CDC42BPB: variants seen among roughly 807,000 people sequenced by gnomAD.
CDC42BPB encodes CDC42 binding protein kinase beta.
A neutral mutation model predicts 214.9 loss-of-function variants in CDC42BPB; 37 were observed. The observed-to-expected ratio is 0.17, with a 90% CI of 0.13 to 0.23. CDC42BPB has a LOEUF of 0.23. Ranked by LOEUF, CDC42BPB falls within the 10% of genes least tolerant of loss-of-function variation. The probability of loss-of-function intolerance (pLI) is 1.00; values close to 1 mark genes in which losing one functional copy is unlikely to be tolerated. For synonymous variants in CDC42BPB, 931 were observed against 884.0 expected (o/e 1.05, Z -0.94); for missense variants, 1,694 against 2,227.0 (o/e 0.76, Z 4.82).
In CDC42BPB at chr14:102,938,348, G is replaced by A; in HGVS notation, c.4891C>T (p.Pro1631Ser). The change falls in exon 35 of 37, where the codon CCT becomes TCT. Residue 1631 changes from proline (P) to serine (S), a missense_variant. Transcript: ENST00000361246. Reference protein sequence around the residue: ...GPAPTNLARQPPSRNKPYISW... With the variant: ...GPAPTNLARQSPSRNKPYISW... ...ATGTAGGGCTTGTTCCTGGATGGAG[G>A]CTGGCGAGCCAGGTTGGTGGGAGCG... 1.3e-6 allele frequency: 2 copies of A among 1,599,346 alleles called. No homozygotes were observed. Among genetic ancestry groups the A allele is most frequent in the Non-Finnish European group, 1.7e-6 (2 of 1,173,808 alleles).
rs1030412379 is a variant in CDC42BPB at position 102,933,490 on chromosome 14, C to T, written c.*222G>A. On this transcript the variant is annotated 3_prime_UTR_variant, in exon 37 of 37. Transcript: ENST00000361246. ...GGGGGTCCTTCATGTGCAGATGGAA[C>T]AGCATCGCCTCACAGCTGTGCAGAC... The T allele has an allele frequency of 7.1e-6, 3 of 421,488 alleles. No individual in the cohort carries two copies. Among genetic ancestry groups the T allele is most frequent in the African/African-American group, 2.1e-5 (1 of 48,688 alleles). The allele number at this position is 421,488 out of a possible 1,614,324, so 26.1% of individuals were successfully genotyped here. A position where few individuals can be genotyped will look rare whatever the true frequency, so the allele number is the denominator to read the frequency against.
chr14:103,047,062 G>A (rs974528730), intron 1 of CDC42BPB, among the ~76,000 whole-genome samples: 15 of 151,638 alleles, frequency 9.9e-5, no homozygotes, highest in Non-Finnish European at 4.4e-5. Flanking sequence ...AAGGCGGGTG[G>A]ATCACGAGGT....
At chr14:102,979,026 A>C (rs1348406904) in intron 8 of CDC42BPB, among the ~76,000 whole-genome samples, 1 of 152,158 alleles carries the variant, frequency 6.6e-6, no homozygotes, top group Admixed American at 6.6e-5. Context: ...AAATATAAGC[A>C]AAGTTCTTTA....
intron 36 of CDC42BPB, among the ~76,000 whole-genome samples, chr14:102,934,870 C>T (rs535518086): frequency 7.9e-5 from 12 of 151,794 alleles, no homozygotes; most frequent in African/African-American, 2.9e-4. Flanking sequence ...ATTAGCCTGG[C>T]ATGGTGGTGG....
chr14:103,056,030 G>A (rs1040381606), intron 1 of CDC42BPB, among the ~76,000 whole-genome samples: 1 of 152,240 alleles, frequency 6.6e-6, no homozygotes, highest in African/African-American at 2.4e-5. Context: ...CCGTTAGGGA[G>A]AGATGAAGTA....
At chr14:102,987,752 G>A (rs1345017972) in intron 5 of CDC42BPB, among the ~76,000 whole-genome samples, 7 of 149,174 alleles carry the variant, frequency 4.7e-5, no homozygotes, top group South Asian at 4.2e-4. Flanking sequence ...TCAGGAATAC[G>A]AAAAAGAAAA....
intron 5 of CDC42BPB, among the ~76,000 whole-genome samples, chr14:102,993,954 G>A (rs1894610038): frequency 6.6e-6 from 1 of 152,128 alleles, no homozygotes; most frequent in African/African-American, 2.4e-5. Flanking sequence ...TGGAAGGCAG[G>A]GCAATTCAGA....
In CDC42BPB at chr14:102,959,724, C is replaced by T. The variant is rs1456755574; in HGVS notation, c.2822-14G>A. 2 of 1,581,740 alleles carry T rather than the reference C, an allele frequency of 1.3e-6. No homozygotes were observed. The highest frequency in any genetic ancestry group is 2.3e-5 in the East Asian group (1 of 42,874). ...GAAGTTTGAGCCCTGCAAAAAGAAACAAAGAATAGTCAAGGCAAAAAAACT... is the reference window on the plus strand; with the variant it reads ...GAAGTTTGAGCCCTGCAAAAAGAAATAAAGAATAGTCAAGGCAAAAAAACT... On this transcript the variant is annotated splice_polypyrimidine_tract_variant and intron_variant, in intron 20 of 36. Coordinates refer to ENST00000361246, the MANE Select transcript of CDC42BPB (RefSeq NM_006035.4).
At position 102,940,278 on chromosome 14, in the gene CDC42BPB, G is replaced by A. The variant is rs947506164; in HGVS notation, c.4455C>T (p.Asp1485=). The A allele has an allele frequency of 4.4e-6, 7 of 1,593,740 alleles. No homozygotes were observed. Among genetic ancestry groups the A allele is most frequent in the African/African-American group, 1.3e-5 (1 of 74,652 alleles). Residue 1485 remains aspartate, a synonymous_variant, in exon 31 of 37, where the codon GAC becomes GAT. Coordinates refer to ENST00000361246, the MANE Select transcript of CDC42BPB (RefSeq NM_006035.4). ...ACTCCATGGTGCGCACATCAAAGAC[G>A]TCCACGCCATACTCGCTGTACACCG... The part of the protein sequence containing the change: ...HVTVYSEYGV[D]VFDVRTMEWV...
intron 5 of CDC42BPB, among the ~76,000 whole-genome samples, chr14:102,990,540 AGTATGCACAGGTAGAC>A (rs1894445954): frequency 6.6e-6 from 1 of 152,184 alleles, no homozygotes; most frequent in South Asian, 2.1e-4. Flanking sequence ...ATGATTCCTG[AGTATGCACAGGTAGAC>A]GTGTGTGTCC....
intron 1 of CDC42BPB, among the ~76,000 whole-genome samples, 189 bp downstream of exon 1, chr14:103,056,810 G>A (rs1889000476): frequency 6.6e-6 from 1 of 152,072 alleles, no homozygotes; most frequent in South Asian, 2.1e-4. Context: ...AGGGTGCAAG[G>A]AGCGGCTGGA....
intron 3 of CDC42BPB, among the ~76,000 whole-genome samples, chr14:103,005,322 G>A (rs750142784): frequency 2.6e-5 from 4 of 152,176 alleles, no homozygotes; most frequent in Non-Finnish European, 4.4e-5. Flanking sequence ...TGTGAGGCAC[G>A]AGGGCACAGT....
rs1408677109 is a variant in CDC42BPB at position 102,939,907 on chromosome 14, C to T, written c.4632G>A (p.Lys1544=). 1 of 1,614,036 alleles carries T rather than the reference C, an allele frequency of 6.2e-7. No individual in the cohort carries two copies. The highest frequency in any genetic ancestry group is 2.2e-5 in the East Asian group (1 of 44,880). ...LNVPDTSDNS[K]KQMLRTRSKR... ...TGCTCCTGGTGCGCAGCATCTGCTT[C>T]TTGCTGTTGTCGGAGGTGTCCGGCA... The change falls in exon 33 of 37, where the codon AAG becomes AAA. Residue 1544 remains lysine, a synonymous_variant. Coordinates refer to ENST00000361246, the MANE Select transcript of CDC42BPB (RefSeq NM_006035.4).
At chr14:103,022,411 G>C (rs554304720) in intron 1 of CDC42BPB, among the ~76,000 whole-genome samples, 2 of 152,220 alleles carry the variant, frequency 1.3e-5, no homozygotes, top group East Asian at 3.9e-4. Flanking sequence ...CGGCAGCCTG[G>C]AGCACAGTGA....
chr14:103,029,178 A>G (rs1887209783), intron 1 of CDC42BPB, among the ~76,000 whole-genome samples: 1 of 152,244 alleles, frequency 6.6e-6, no homozygotes, highest in Non-Finnish European at 1.5e-5. Context: ...TGCATGAGGA[A>G]TAAGTATGTC....
chr14:103,035,480 T>C (rs1566918302), intron 1 of CDC42BPB, among the ~76,000 whole-genome samples: 1 of 152,144 alleles, frequency 6.6e-6, no homozygotes. Context: ...GGAGGATCAC[T>C]TGAGCCCAGG....
chr14:102,982,217 CA>C (rs1484244679), intron 7 of CDC42BPB, among the ~76,000 whole-genome samples: 1 of 152,168 alleles, frequency 6.6e-6, no homozygotes. Flanking sequence ...TATTAATTTA[CA>C]AATAAAAATA....
At chr14:102,993,860 T>G (rs28696240) in intron 5 of CDC42BPB, among the ~76,000 whole-genome samples, 17,638 of 152,182 alleles carry the variant, frequency 0.12, 1,885 homozygotes, top group African/African-American at 0.28. Flanking sequence ...CAAGGATAAT[T>G]ACACTACTTT....
intron 1 of CDC42BPB, among the ~76,000 whole-genome samples, chr14:103,037,471 AT>A (rs1251175157): frequency 7.9e-5 from 12 of 152,058 alleles, no homozygotes; most frequent in Non-Finnish European, 1.8e-4. Flanking sequence ...TTTTTGTATA[AT>A]TTGTAGAATC....
Sources: gnomAD v4.1 joint callset for allele counts (sites outside exome capture counted in the v4.1 genomes callset) on GRCh38, gnomAD v4.1.1 for gene constraint, MANE v1.5 for transcripts, NCBI Gene and HGNC (gene_info 2026-07-23, HGNC 2026-07-21) for gene names.